The following SNAP29 variants were observed in gnomAD, a reference collection of about 807,000 sequenced individuals.
The protein encoded by SNAP29 is synaptosomal-associated protein 29.
In SNAP29, 13 loss-of-function variants were observed where a neutral mutation model predicts 27.9. The ratio of observed to expected loss-of-function variants is 0.47; its 90% CI spans 0.30 to 0.74. The LOEUF is 0.74. Ranked by LOEUF, SNAP29 falls within the 30% of genes least tolerant of loss-of-function variation. The pLI, the probability that SNAP29 is intolerant of heterozygous loss-of-function variation, is 0.06. For synonymous variants in SNAP29, 119 were observed against 127.1 expected, an observed-to-expected ratio of 0.94 and a Z score of 0.43; for missense variants, 368 against 336.5, an observed-to-expected ratio of 1.09 and a Z score of -0.73.
chr22:20,859,150 G>A lies in SNAP29; in HGVS notation c.40G>A (p.Asp14Asn), dbSNP rs768952532. 1 of 1,607,620 alleles carries A rather than the reference G, an allele frequency of 6.2e-7. No homozygotes were observed. Among genetic ancestry groups the A allele is most frequent in the South Asian group, 1.1e-5 (1 of 89,996 alleles). ...YPKSYNPFDD[D>N]GEDEGARPAP... ...TAAAAGCTACAATCCGTTCGACGAC[G>A]ACGGGGAGGACGAAGGCGCCCGGCC... is the stretch of plus-strand genomic sequence containing the variant. The change falls in exon 1 of 5, where the codon GAC becomes AAC. Residue 14 changes from aspartate to asparagine, a missense_variant. Asp to Asn is a conservative substitution (Grantham distance 23). Transcript: ENST00000215730.
rs1285705476 is a variant in SNAP29 at position 20,860,879 on chromosome 22, TTTGAAAAA to T, written c.237+1535_237+1542del. ...CAGGGGTAACTGCGTCTCTACAAAA[TTTGAAAAA>T]TTAGCCAGGCATGGTGGCACACACA... On this transcript the variant is annotated intron_variant, in intron 1 of 4. Transcript: ENST00000215730. 8.0e-3 allele frequency among the ~76,000 whole-genome samples: 1,220 copies of T among 152,142 alleles called. 17 individuals are homozygous for T. The highest frequency in any genetic ancestry group is 0.028 in the African/African-American group (1,164 of 41,506).
At chr22:20,861,052 T>C (rs1928305451) in intron 1 of SNAP29, among the ~76,000 whole-genome samples, 1 of 151,942 alleles carries the variant, frequency 6.6e-6, no homozygotes, top group African/African-American at 2.4e-5. Context: ...CTTGCTGTTT[T>C]CTTGGGTTAA....
intron 1 of SNAP29, 112 bp from the exon 2 acceptor site, chr22:20,870,225 T>C: frequency 1.1e-6 from 1 of 888,092 alleles, no homozygotes; most frequent in South Asian, 1.4e-5. Context: ...ACAGTACCCG[T>C]CTCCAGATGT....
In SNAP29 at chr22:20,859,171, C is replaced by A; in HGVS notation, c.61C>A (p.Arg21=). 6.2e-7 allele frequency: 1 copy of A among 1,605,084 alleles called. No individual in the cohort carries two copies. The highest frequency in any genetic ancestry group is 8.5e-7 in the Non-Finnish European group (1 of 1,177,154). Residue 21 remains arginine (R), a synonymous_variant, in exon 1 of 5, where the codon CGG becomes AGG. Transcript: ENST00000215730. The stretch of plus-strand genomic sequence containing the variant: ...CGACGACGGGGAGGACGAAGGCGCC[C>A]GGCCGGCCCCTTGGAGGGACGCCCG... The part of the protein sequence containing the change: ...FDDDGEDEGA[R]PAPWRDARDL...
rs899534072 is a variant in SNAP29 at position 20,859,017 on chromosome 22, C to A, written c.-94C>A. The A allele has an allele frequency of 1.2e-5, 17 of 1,373,150 alleles. No homozygotes were observed. The East Asian group carries it at 1.8e-4, about 14-fold the overall frequency. 85.1% of individuals were successfully genotyped at this position (1,373,150 alleles called of 1,614,324 possible). On this transcript the variant is annotated 5_prime_UTR_variant, in exon 1 of 5. Transcript: ENST00000215730. The stretch of plus-strand genomic sequence containing the variant: ...CGACGCGCGGAAGGAGTTCGCGCGA[C>A]GACCGCGGGGTCGGCGGGCGGGGCG...
At chr22:20,873,050 G>A (rs998087891) in intron 2 of SNAP29, among the ~76,000 whole-genome samples, 5 of 150,430 alleles carry the variant, frequency 3.3e-5, no homozygotes, top group Non-Finnish European at 5.9e-5. Flanking sequence ...GGATAGTCTC[G>A]AACTCTTGAT....
intron 3 of SNAP29, 55 bp from the exon 4 acceptor site, chr22:20,883,416 A>G (rs1928934163): frequency 8.8e-7 from 1 of 1,136,046 alleles, no homozygotes; most frequent in Admixed American, 1.7e-5. Context: ...TGTGTGAAGC[A>G]GCATTTGAAG....
chr22:20,865,941 A>T (rs165929), intron 1 of SNAP29, among the ~76,000 whole-genome samples: 1 of 151,980 alleles, frequency 6.6e-6, no homozygotes, highest in Non-Finnish European at 1.5e-5. Flanking sequence ...ATAGTCTCCA[A>T]CCCCACCAGA....
chr22:20,879,834 CTCTG>C (rs1352419862), intron 2 of SNAP29, among the ~76,000 whole-genome samples: 2 of 136,534 alleles, frequency 1.5e-5, no homozygotes, highest in Non-Finnish European at 3.1e-5. Flanking sequence ...CAGAGCGAGA[CTCTG>C]TCTGAAAAAA....
chr22:20,876,464 C>T (rs1928747801), intron 2 of SNAP29, among the ~76,000 whole-genome samples: 2 of 151,736 alleles, frequency 1.3e-5, no homozygotes, highest in East Asian at 3.9e-4. Flanking sequence ...CACTTTGTCT[C>T]CCAGGCTGAT....
intron 1 of SNAP29, among the ~76,000 whole-genome samples, chr22:20,868,043 G>A (rs1342361154): frequency 5.3e-5 from 8 of 152,164 alleles, no homozygotes; most frequent in African/African-American, 1.9e-4. Context: ...AAAGCTAGCT[G>A]GAACTGGACT....
At chr22:20,871,498 A>G (rs1928591109) in intron 2 of SNAP29, among the ~76,000 whole-genome samples, 1 of 151,526 alleles carries the variant, frequency 6.6e-6, no homozygotes, top group South Asian at 2.1e-4. Flanking sequence ...AAAAAAAAAA[A>G]AAAAAAAGAT....
At chr22:20,865,442 T>A (rs2147861247) in intron 1 of SNAP29, among the ~76,000 whole-genome samples, 1 of 152,300 alleles carries the variant, frequency 6.6e-6, no homozygotes, top group South Asian at 2.1e-4. Context: ...ATGGGCTGGT[T>A]GTTCGAGCTT....
At position 20,871,353 on chromosome 22, in the gene SNAP29, C is replaced by T. The variant is rs138929657; in HGVS notation, c.434+820C>T. Among the ~76,000 whole-genome samples the T allele has an allele frequency of 2.2e-3, 334 of 150,710 alleles. 1 individual carries two copies. Among genetic ancestry groups the T allele is most frequent in the African/African-American group, 8.1e-3 (331 of 41,078 alleles). The stretch of plus-strand genomic sequence containing the variant: ...AAAAAATTAGCCAGACATGATGGCA[C>T]GTGCCTATATTCCTAGCTACAGGGG... On this transcript the variant is annotated intron_variant, in intron 2 of 4. Transcript: ENST00000215730.
At chr22:20,869,029 C>T (rs1366240525) in intron 1 of SNAP29, among the ~76,000 whole-genome samples, 1 of 152,166 alleles carries the variant, frequency 6.6e-6, no homozygotes, top group African/African-American at 2.4e-5. Context: ...GTAATCCCAG[C>T]ACTTTGGGAG....
chr22:20,873,707 C>G lies in SNAP29; in HGVS notation c.434+3174C>G, dbSNP rs145209920. Among the ~76,000 whole-genome samples, 614 of 152,054 alleles carry G rather than the reference C, an allele frequency of 4.0e-3. 5 individuals are homozygous for G. The highest frequency in any genetic ancestry group is 0.014 in the African/African-American group (593 of 41,484). ...ATGAAGTTGGGCATGGTGGTTCAGG[C>G]CTGTAATCCCAGCACTTTGGGAGGC... is the stretch of plus-strand genomic sequence containing the variant. On this transcript the variant is annotated intron_variant, in intron 2 of 4. Coordinates refer to ENST00000215730, the MANE Select transcript of SNAP29 (RefSeq NM_004782.4).
chr22:20,885,030 C>T (rs1928979847), intron 4 of SNAP29, among the ~76,000 whole-genome samples: 1 of 152,184 alleles, frequency 6.6e-6, no homozygotes, highest in African/African-American at 2.4e-5. Flanking sequence ...CTGTCTCGGC[C>T]TCCCAAAGTG....
chr22:20,872,820 C>CCTTTT (rs1319405165), intron 2 of SNAP29, among the ~76,000 whole-genome samples: 1 of 39,866 alleles, frequency 2.5e-5, no homozygotes, highest in Non-Finnish European at 4.4e-5. Context: ...CCACGCCAGG[C>CCTTTT]TTTTTTTTTT....
At chr22:20,881,180 A>G in intron 3 of SNAP29, 46 bp downstream of exon 3, 2 of 1,360,624 alleles carry the variant, frequency 1.5e-6, no homozygotes, top group Non-Finnish European at 2.1e-6. Context: ...TTCTGGGGGG[A>G]GACCTCTAGG....
Sources: allele counts gnomAD v4.1 joint callset (sites outside exome capture counted in the v4.1 genomes callset), GRCh38; gene constraint gnomAD v4.1.1; transcripts MANE v1.5; gene names NCBI Gene and HGNC (gene_info 2026-07-23, HGNC 2026-07-21).